Variants in NPSR1 observed in about 807,000 individuals in gnomAD.
The protein encoded by NPSR1 is neuropeptide S receptor 1.
NPSR1 carries 48 observed loss-of-function variants against 46.9 expected under a neutral mutation model. The ratio of observed to expected loss-of-function variants is 1.02; its 90% CI spans 0.81 to 1.30. NPSR1 has a LOEUF of 1.30. Ranked by LOEUF, NPSR1 falls within the 50% of genes most tolerant of loss-of-function variation. The probability of loss-of-function intolerance (pLI) is 0.00; values close to 1 mark genes in which losing one functional copy is unlikely to be tolerated. For synonymous variants in NPSR1, 176 were observed against 168.1 expected, an observed-to-expected ratio of 1.05 and a Z score of -0.36; for missense variants, 450 against 449.5, an observed-to-expected ratio of 1.00 and a Z score of -0.01.
chr7:34,733,800 A>C (rs1784545797), intron 2 of NPSR1, among the ~76,000 whole-genome samples: 1 of 152,214 alleles, frequency 6.6e-6, no homozygotes, highest in African/African-American at 2.4e-5. Context: ...ATGGCCTTCT[A>C]TGGGATAAAA....
chr7:34,667,794 T>G (rs1431132755), intron 1 of NPSR1, among the ~76,000 whole-genome samples: 1 of 151,980 alleles, frequency 6.6e-6, no homozygotes, highest in Non-Finnish European at 1.5e-5. Flanking sequence ...TACCAGGGCA[T>G]TCAGCTTGGA....
At chr7:34,686,960 C>CAAAAAAAA (rs66886501) in intron 2 of NPSR1, among the ~76,000 whole-genome samples, 125 of 94,054 alleles carry the variant, frequency 1.3e-3, no homozygotes, top group Non-Finnish European at 1.6e-3. Context: ...GACTCCGTCT[C>CAAAAAAAA]AAAAAAAAAA....
At chr7:34,735,896 T>C (rs1336455192) in intron 2 of NPSR1, among the ~76,000 whole-genome samples, 4 of 152,106 alleles carry the variant, frequency 2.6e-5, no homozygotes, top group African/African-American at 7.2e-5. Context: ...ACAATAAAAT[T>C]GTAATAGTAT....
intron 3 of NPSR1, among the ~76,000 whole-genome samples, chr7:34,804,592 G>A (rs866318004): frequency 6.6e-6 from 1 of 152,118 alleles, no homozygotes; most frequent in African/African-American, 2.4e-5. Context: ...GAAATTAGGT[G>A]CTTTTGTCCT....
At chr7:34,679,032 G>T (rs1792478277) in intron 1 of NPSR1, among the ~76,000 whole-genome samples, 1 of 152,254 alleles carries the variant, frequency 6.6e-6, no homozygotes, top group Non-Finnish European at 1.5e-5. Context: ...TTATTTCTCA[G>T]TGTGAAGTCA....
chr7:34,818,366 G>T (rs1789363182), intron 4 of NPSR1, among the ~76,000 whole-genome samples: 2 of 152,148 alleles, frequency 1.3e-5, no homozygotes, highest in South Asian at 4.1e-4. Context: ...TACAAGGGAT[G>T]TGAAGGACCT....
At chr7:34,795,224 T>C (rs1314792534) in intron 3 of NPSR1, among the ~76,000 whole-genome samples, 1 of 152,098 alleles carries the variant, frequency 6.6e-6, no homozygotes, top group Admixed American at 6.6e-5. Context: ...CCTATTATGA[T>C]TTCAAAAAAA....
At chr7:34,866,086 T>C (rs11980109) in intron 8 of NPSR1, among the ~76,000 whole-genome samples, 3,443 of 151,900 alleles carry the variant, frequency 0.023, 233 homozygotes, top group African/African-American at 0.078. Flanking sequence ...TTGCCATGCT[T>C]GTAGTCCCTA....
intron 2 of NPSR1, among the ~76,000 whole-genome samples, chr7:34,717,032 T>A (rs1414014521): frequency 6.6e-6 from 1 of 152,218 alleles, no homozygotes; most frequent in Non-Finnish European, 1.5e-5. Context: ...CCAGGGATAT[T>A]TTACTCATTT....
intron 2 of NPSR1, chr7:34,704,302 G>A (rs976595728): frequency 6.6e-6 from 1 of 152,044 alleles, no homozygotes; most frequent in Non-Finnish European, 1.5e-5. Context: ...TATATGACAT[G>A]TTATTTTTTA....
chr7:34,714,276 G>A (rs774141557), intron 2 of NPSR1, among the ~76,000 whole-genome samples: 10 of 152,200 alleles, frequency 6.6e-5, no homozygotes, highest in South Asian at 2.1e-4. Context: ...CCATTCTGCC[G>A]CATTCCATTG....
chr7:34,710,291 A>G (rs1316389186), intron 2 of NPSR1, among the ~76,000 whole-genome samples: 2 of 152,128 alleles, frequency 1.3e-5, no homozygotes, highest in Non-Finnish European at 1.5e-5. Flanking sequence ...CCTCACCCCA[A>G]CCTCCTAAGA....
intron 3 of NPSR1, among the ~76,000 whole-genome samples, chr7:34,810,208 T>C (rs990182746): frequency 2.6e-5 from 4 of 152,220 alleles, no homozygotes; most frequent in African/African-American, 9.6e-5. Flanking sequence ...ATCTACAAGT[T>C]ACTCTTCTAC....
At chr7:34,689,293 G>A (rs964206543) in intron 2 of NPSR1, among the ~76,000 whole-genome samples, 7 of 152,168 alleles carry the variant, frequency 4.6e-5, no homozygotes, top group Middle Eastern at 3.2e-3. Flanking sequence ...TGGCCTGGAG[G>A]TTGAACTGCA....
At chr7:34,705,324 G>A (rs557783632) in intron 2 of NPSR1, among the ~76,000 whole-genome samples, 55 of 151,972 alleles carry the variant, frequency 3.6e-4, no homozygotes, top group African/African-American at 1.3e-3. Flanking sequence ...CTACTCAGGA[G>A]GCTGAGGTGG....
intron 6 of NPSR1, among the ~76,000 whole-genome samples, chr7:34,841,499 G>A (rs577206069): frequency 6.6e-6 from 1 of 152,336 alleles, no homozygotes; most frequent in East Asian, 1.9e-4. Context: ...ACCCAAGCCC[G>A]ATTAATGCAC....
chr7:34,807,416 TTA>T (rs1788754944), intron 3 of NPSR1, among the ~76,000 whole-genome samples: 1 of 152,220 alleles, frequency 6.6e-6, no homozygotes, highest in African/African-American at 2.4e-5. Flanking sequence ...ATATTTAGCA[TTA>T]TGTTACTTGT....
intron 6 of NPSR1, 81 bp from the exon 7 acceptor site, chr7:34,844,815 C>G: frequency 1.1e-6 from 1 of 908,946 alleles, no homozygotes; most frequent in Non-Finnish European, 1.9e-6. Flanking sequence ...TGGAGTCTAA[C>G]CTTTAATGTT....
chr7:34,814,991 A>C (rs1375993143), intron 4 of NPSR1, among the ~76,000 whole-genome samples: 2 of 152,202 alleles, frequency 1.3e-5, no homozygotes, highest in Non-Finnish European at 2.9e-5. Context: ...AAAATTCTAA[A>C]AATCAGAGCG....
Sources: gnomAD v4.1 joint callset for allele counts (sites outside exome capture counted in the v4.1 genomes callset) on GRCh38, gnomAD v4.1.1 for gene constraint, MANE v1.5 for transcripts, NCBI Gene and HGNC (gene_info 2026-07-23, HGNC 2026-07-21) for gene names.